RAP1GAP2: variants seen among roughly 807,000 people sequenced by gnomAD.
RAP1GAP2 encodes RAP1 GTPase activating protein 2.
A neutral mutation model predicts 95.0 loss-of-function variants in RAP1GAP2; 27 were observed. The observed-to-expected ratio is 0.28, with a 90% confidence interval of 0.21 to 0.39. The LOEUF (loss-of-function observed/expected upper bound fraction) is 0.39, where lower values mean the gene tolerates loss of function less well. RAP1GAP2 is among the 10% of genes least tolerant of loss of function. The pLI is 1.00. For missense variants in RAP1GAP2, 771 were observed against 970.0 expected, an observed-to-expected ratio of 0.79 and a Z score of 2.72; for synonymous variants, 373 against 380.9, an observed-to-expected ratio of 0.98 and a Z score of 0.24.
At position 2,855,337 on chromosome 17, in the gene RAP1GAP2, G is replaced by A. The variant is rs2072087724; in HGVS notation, c.81-49947G>A. Among the ~76,000 whole-genome samples, 1 of 152,200 alleles carries A rather than the reference G, an allele frequency of 6.6e-6. No homozygotes were observed. The highest frequency in any genetic ancestry group is 1.5e-5 in the Non-Finnish European group (1 of 68,044). ...CGAATCCTTGTGATTTCTTTGAGGG[G>A]AAGTTTCAGGTGGATGCTAGTCTGC... On this transcript the variant is annotated intron_variant, in intron 2 of 24. Coordinates refer to ENST00000254695, the MANE Select transcript of RAP1GAP2 (RefSeq NM_015085.5). The surrounding 1 kb of genome is among the most constrained non-coding windows in gnomAD (Gnocchi z 4.3).
At chr17:3,024,151 G>T (rs908917496) in intron 19 of RAP1GAP2, among the ~76,000 whole-genome samples, 1 of 152,092 alleles carries the variant, frequency 6.6e-6, no homozygotes, top group Non-Finnish European at 1.5e-5. Flanking sequence ...GGTGGAGAAG[G>T]GAAGGTGGTG....
intron 2 of RAP1GAP2, among the ~76,000 whole-genome samples, chr17:2,879,361 C>T (rs2073206637): frequency 6.6e-6 from 1 of 151,998 alleles, no homozygotes; most frequent in Non-Finnish European, 1.5e-5. Context: ...AGTGATCCAC[C>T]CGCCTCGGCC....
intron 11 of RAP1GAP2, among the ~76,000 whole-genome samples, chr17:2,987,965 C>T (rs747734840): frequency 6.6e-6 from 1 of 152,192 alleles, no homozygotes; most frequent in Non-Finnish European, 1.5e-5. Context: ...TTTGTACATC[C>T]TGCTACTGTG....
In RAP1GAP2 at chr17:3,008,753, C is replaced by T. The variant is rs1334414903; in HGVS notation, c.1494+608C>T. 1.3e-5 allele frequency among the ~76,000 whole-genome samples: 2 copies of T among 152,186 alleles called. No homozygotes were observed. Among genetic ancestry groups the T allele is most frequent in the African/African-American group, 2.4e-5 (1 of 41,444 alleles). ...GGAGCTCGGACGGCCCCCGAGCTGG[C>T]GTGTGGTAGAGGTTTTTCATCTTAT... On this transcript the variant is annotated intron_variant, in intron 17 of 24. Coordinates refer to ENST00000254695, the MANE Select transcript of RAP1GAP2 (RefSeq NM_015085.5). This position sits in a 1 kb window ranked among gnomAD's most constrained non-coding sequence, Gnocchi z 4.2.
intron 2 of RAP1GAP2, among the ~76,000 whole-genome samples, chr17:2,889,122 GGTT>G (rs1460758528): frequency 6.6e-6 from 1 of 152,090 alleles, no homozygotes; most frequent in Non-Finnish European, 1.5e-5. Context: ...TGGGTCATGT[GGTT>G]GTTCTGTTTC....
At chr17:2,927,426 T>G (rs1315792963) in intron 3 of RAP1GAP2, among the ~76,000 whole-genome samples, 1 of 152,198 alleles carries the variant, frequency 6.6e-6, no homozygotes, top group Non-Finnish European at 1.5e-5. Context: ...GTGCTGGGAT[T>G]ACAGGCGTGA....
intron 3 of RAP1GAP2, among the ~76,000 whole-genome samples, chr17:2,935,788 C>G (rs769555259): frequency 9.2e-5 from 14 of 152,188 alleles, no homozygotes; most frequent in Non-Finnish European, 1.6e-4. Context: ...CACAGCTGGC[C>G]GGTGACCGGG....
At chr17:2,777,975 TGGGAGGCTGGGAGGCG>T (rs56802800) in intron 1 of RAP1GAP2, among the ~76,000 whole-genome samples, 2,472 of 63,144 alleles carry the variant, frequency 0.039, 203 homozygotes, top group African/African-American at 0.11. Flanking sequence ...GCGGGGAGGC[TGGGAGGCTGGGAGGCG>T]GGGAGGCTGG....
intron 2 of RAP1GAP2, among the ~76,000 whole-genome samples, chr17:2,847,541 C>T (rs1392035962): frequency 6.6e-6 from 1 of 152,166 alleles, no homozygotes; most frequent in Non-Finnish European, 1.5e-5. Context: ...GTATAAGAAA[C>T]CACTCTGTTC....
chr17:3,003,784 G>C lies in RAP1GAP2; in HGVS notation c.1201-1585G>C, dbSNP rs559316902. Among the ~76,000 whole-genome samples, 207 of 152,348 alleles carry C rather than the reference G, an allele frequency of 1.4e-3. No homozygotes were observed. The highest frequency in any genetic ancestry group is 1.4e-3 in the Non-Finnish European group (95 of 68,036). On this transcript the variant is annotated intron_variant, in intron 14 of 24. Coordinates refer to ENST00000254695, the MANE Select transcript of RAP1GAP2 (RefSeq NM_015085.5). The surrounding 1 kb of genome is among the most constrained non-coding windows in gnomAD (Gnocchi z 4.1). ...TCCAGTGACCCAGATGTCCCCAAGA[G>C]GGGGGAACAACAAAGGCCTGGCCGC... is the stretch of plus-strand genomic sequence containing the variant.
At chr17:2,891,387 C>T (rs973713977) in intron 2 of RAP1GAP2, among the ~76,000 whole-genome samples, 7 of 152,180 alleles carry the variant, frequency 4.6e-5, no homozygotes, top group South Asian at 4.1e-4. Context: ...CCAATCCTCC[C>T]GCCTTGGCCT....
chr17:2,831,825 T>G (rs1371519579), intron 2 of RAP1GAP2, among the ~76,000 whole-genome samples: 1 of 150,602 alleles, frequency 6.6e-6, no homozygotes, highest in African/African-American at 2.5e-5. Context: ...AGCCCAGGAG[T>G]TTGAGGCTGC....
intron 8 of RAP1GAP2, among the ~76,000 whole-genome samples, chr17:2,973,510 C>T (rs1455983037): frequency 6.6e-6 from 1 of 152,146 alleles, no homozygotes; most frequent in African/African-American, 2.4e-5. Context: ...GAGCAAGAAT[C>T]CTTCTCAACA....
At chr17:2,974,501 C>G (rs1353857896) in intron 8 of RAP1GAP2, among the ~76,000 whole-genome samples, 1 of 151,646 alleles carries the variant, frequency 6.6e-6, no homozygotes, top group Non-Finnish European at 1.5e-5. Flanking sequence ...ACACTTCAGT[C>G]AAAAGAAAAG....
intron 1 of RAP1GAP2, among the ~76,000 whole-genome samples, chr17:2,791,322 T>G (rs532191804): frequency 6.6e-6 from 1 of 152,168 alleles, no homozygotes; most frequent in Admixed American, 6.5e-5. Context: ...CCTACAGCCC[T>G]TGTGAACTGT....
At position 2,985,005 on chromosome 17, in the gene RAP1GAP2, A is replaced by G; in HGVS notation, c.752A>G (p.Tyr251Cys). 1 of 1,613,552 alleles carries G rather than the reference A, an allele frequency of 6.2e-7. No individual in the cohort carries two copies. The highest frequency in any genetic ancestry group is 8.5e-7 in the Non-Finnish European group (1 of 1,179,798). Residue 251 changes from tyrosine (Y) to cysteine (C), a missense_variant, in exon 11 of 25, where the codon TAT (tyrosine) becomes TGT (cysteine). Physicochemically the swap from Tyr to Cys is radical, Grantham distance 194. Transcript: ENST00000254695. ...CAGGCCTCCCAAATGATTGTGTCCT[A>G]TGATGAGCATGAAGTCAACAACACA... is the stretch of plus-strand genomic sequence containing the variant. ...YPKASQMIVS[Y>C]DEHEVNNTFK...
At chr17:2,944,990 C>A (rs1022519524) in intron 3 of RAP1GAP2, among the ~76,000 whole-genome samples, 1 of 152,198 alleles carries the variant, frequency 6.6e-6, no homozygotes, top group Admixed American at 6.5e-5. Flanking sequence ...TCACGTCATT[C>A]TCCTGCCTCA....
intron 3 of RAP1GAP2, among the ~76,000 whole-genome samples, chr17:2,909,094 C>G (rs1289106947): frequency 6.6e-6 from 1 of 152,138 alleles, no homozygotes; most frequent in Admixed American, 6.6e-5. Context: ...AGCCCTTCTC[C>G]TAGAGAAGGG....
At chr17:2,833,313 A>G (rs562250225) in intron 2 of RAP1GAP2, among the ~76,000 whole-genome samples, 11 of 150,752 alleles carry the variant, frequency 7.3e-5, no homozygotes, top group East Asian at 2.0e-4. Flanking sequence ...TGATTTTTGT[A>G]TTTAGTAGAG....
Sources: allele counts gnomAD v4.1 joint callset (sites outside exome capture counted in the v4.1 genomes callset), GRCh38; gene constraint gnomAD v4.1.1; non-coding constraint Gnocchi (gnomAD v3.1); transcripts MANE v1.5; gene names NCBI Gene and HGNC (gene_info 2026-07-23, HGNC 2026-07-21).